Variants in CORO2B observed in about 807,000 individuals in gnomAD.
The protein encoded by CORO2B is coronin-2B.
In CORO2B, 26 loss-of-function variants were observed where a neutral mutation model predicts 58.8. That is an observed-to-expected ratio of 0.44 (90% CI 0.32 to 0.61). CORO2B has a LOEUF of 0.61. Ranked by LOEUF, CORO2B falls within the 20% of genes least tolerant of loss-of-function variation. The pLI, the probability that CORO2B is intolerant of heterozygous loss-of-function variation, is 0.04. For synonymous variants in CORO2B, 242 were observed against 253.8 expected (o/e 0.95, Z 0.44); for missense variants, 460 against 645.1 (o/e 0.71, Z 3.11).
chr15:68,710,950 A>G lies in CORO2B; in HGVS notation c.483+69A>G. ...AGAAAGGGGCCTTTTGGGTACCCGT[A>G]GGAAGCACTGTTGCTTCCTAAGCAA... On this transcript the variant is annotated intron_variant, in intron 4 of 11. Coordinates refer to ENST00000261861, the MANE Select transcript of CORO2B (RefSeq NM_006091.5). The surrounding 1 kb of genome is among the most constrained non-coding windows in gnomAD (Gnocchi z 4.1). 2 of 1,480,588 alleles carry G rather than the reference A, an allele frequency of 1.4e-6. No individual in the cohort carries two copies. The highest frequency in any genetic ancestry group is 1.4e-5 in the African/African-American group (1 of 72,230). 91.7% of individuals were successfully genotyped at this position (1,480,588 alleles called of 1,614,324 possible). A position where few individuals can be genotyped will look rare whatever the true frequency, so the allele number is the denominator to read the frequency against.
At chr15:68,709,877 T>A (rs1892874580) in intron 3 of CORO2B, among the ~76,000 whole-genome samples, 2 of 145,912 alleles carry the variant, frequency 1.4e-5, no homozygotes, top group Admixed American at 1.4e-4. Flanking sequence ...AGGGCAGGGA[T>A]GTTCCCCCCA....
intron 2 of CORO2B, among the ~76,000 whole-genome samples, chr15:68,689,303 A>G (rs1379404845): frequency 6.6e-6 from 1 of 151,958 alleles, no homozygotes; most frequent in African/African-American, 2.4e-5. Flanking sequence ...CTCTAACCAG[A>G]TGGCAGGTTA....
intron 2 of CORO2B, among the ~76,000 whole-genome samples, chr15:68,647,595 A>C (rs911764415): frequency 6.6e-5 from 10 of 151,446 alleles, no homozygotes; most frequent in Admixed American, 6.6e-4. Context: ...AGGCTGAGGC[A>C]GGGGAATCGC....
At chr15:68,572,659 T>C in the CORO2B span, among the ~76,000 whole-genome samples, 1 of 152,086 alleles carries the variant, frequency 6.6e-6, no homozygotes, top group African/African-American at 2.4e-5. Flanking sequence ...AGCCCCATAA[T>C]TTGCATTTCA....
intron 1 of CORO2B, among the ~76,000 whole-genome samples, chr15:68,600,914 G>A (rs1037666701): frequency 3.3e-5 from 5 of 152,164 alleles, no homozygotes; most frequent in Admixed American, 1.3e-4. Flanking sequence ...CCACCTTCCC[G>A]GCTGTCCTGC....
intron 1 of CORO2B, among the ~76,000 whole-genome samples, chr15:68,595,285 C>T (rs1467062981): frequency 6.6e-6 from 1 of 152,224 alleles, no homozygotes; most frequent in Non-Finnish European, 1.5e-5. Flanking sequence ...CCAGCTAAGC[C>T]CTGCTGTCCT....
At chr15:68,641,993 TGCTG>T (rs141017501) in intron 1 of CORO2B, among the ~76,000 whole-genome samples, 255 of 150,604 alleles carry the variant, frequency 1.7e-3, no homozygotes, top group African/African-American at 6.0e-3. Flanking sequence ...CCTCCCGAGG[TGCTG>T]GGATTACAAG....
intron 2 of CORO2B, among the ~76,000 whole-genome samples, chr15:68,674,577 A>C (rs1171497748): frequency 1.3e-5 from 2 of 152,170 alleles, no homozygotes; most frequent in East Asian, 3.9e-4. Context: ...GACCTCAAGC[A>C]AGTGCCCTCC....
chr15:68,612,103 C>A (rs184468800), intron 1 of CORO2B, among the ~76,000 whole-genome samples: 1 of 152,168 alleles, frequency 6.6e-6, no homozygotes, highest in East Asian at 1.9e-4. Flanking sequence ...CATCCCTGAA[C>A]GAGAAATGTG....
intron 11 of CORO2B, among the ~76,000 whole-genome samples, chr15:68,721,113 C>T (rs373180075): frequency 5.9e-5 from 9 of 152,048 alleles, no homozygotes; most frequent in African/African-American, 2.2e-4. Context: ...AACTCCTGAC[C>T]TTAGGTGATC....
intron 2 of CORO2B, among the ~76,000 whole-genome samples, chr15:68,676,000 G>A (rs986625514): frequency 6.6e-6 from 1 of 152,178 alleles, no homozygotes; most frequent in Non-Finnish European, 1.5e-5. Context: ...ATAGAATAAT[G>A]CTAGGAGGAG....
At chr15:68,559,534 C>T in the CORO2B span, 1 of 958,578 alleles carries the variant, frequency 1.0e-6, no homozygotes, top group African/African-American at 1.8e-5. This position sits in a 1 kb window ranked among gnomAD's most constrained non-coding sequence, Gnocchi z 4.3. Flanking sequence ...GCGGGGAGGG[C>T]GAAGTTGACC....
intron 1 of CORO2B, among the ~76,000 whole-genome samples, chr15:68,589,067 A>G (rs555727440): frequency 6.6e-6 from 1 of 152,280 alleles, no homozygotes; most frequent in South Asian, 2.1e-4. Context: ...AAGATCTGGG[A>G]ACAAACTCAA....
rs546042008 is a variant in CORO2B, at chr15:68,634,722, C to T, written c.16-10438C>T. 1.1e-3 allele frequency among the ~76,000 whole-genome samples: 161 copies of T among 152,312 alleles called. 2 individuals carry two copies. The highest frequency in any genetic ancestry group is 4.1e-4 in the Non-Finnish European group (28 of 68,016). ...TCAGCAATCTATGTTTTCACAAGCCCACCGGGTAATTGTGATGCACCTGCA... is the reference window on the plus strand; with the variant it reads ...TCAGCAATCTATGTTTTCACAAGCCTACCGGGTAATTGTGATGCACCTGCA... On this transcript the variant is annotated intron_variant, in intron 1 of 11. Transcript: ENST00000261861.
the CORO2B span, among the ~76,000 whole-genome samples, chr15:68,551,647 G>A: frequency 6.6e-6 from 1 of 152,134 alleles, no homozygotes; most frequent in Admixed American, 6.5e-5. Flanking sequence ...CCCTGTGAGG[G>A]ACCCTGGGCA....
intron 2 of CORO2B, among the ~76,000 whole-genome samples, chr15:68,650,002 G>A (rs1332508763): frequency 1.3e-5 from 2 of 152,144 alleles, no homozygotes; most frequent in Non-Finnish European, 2.9e-5. Flanking sequence ...CATACACTGA[G>A]GACCAGCGAT....
intron 1 of CORO2B, among the ~76,000 whole-genome samples, chr15:68,644,636 C>T (rs1017486527): frequency 7.9e-5 from 12 of 152,134 alleles, no homozygotes; most frequent in African/African-American, 2.9e-4. Context: ...GGATTAGAAA[C>T]ACTAGAGAAT....
rs1233330259 is a variant in CORO2B, at chr15:68,579,364, TG to T, written c.15+91del. 5 of 1,164,004 alleles carry T rather than the reference TG, an allele frequency of 4.3e-6. No homozygotes were observed. The East Asian group carries it at 1.1e-4, about 26-fold the overall frequency. 72.1% of individuals were successfully genotyped at this position (1,164,004 alleles called of 1,614,324 possible). ...TGCGGGGGGCGCGGGGGTGTGGGTG[TG>T]GGGAGGGGGCGCCGGTGCCGGGAAG... On this transcript the variant is annotated intron_variant, in intron 1 of 11. Transcript: ENST00000261861.
At chr15:68,692,779 G>A (rs1397747819) in intron 2 of CORO2B, among the ~76,000 whole-genome samples, 1 of 150,916 alleles carries the variant, frequency 6.6e-6, no homozygotes, top group Non-Finnish European at 1.5e-5. Flanking sequence ...GATTACAGGT[G>A]CCCACCACCA....
Sources: gnomAD v4.1 joint callset for allele counts (sites outside exome capture counted in the v4.1 genomes callset) on GRCh38, gnomAD v4.1.1 for gene constraint, Gnocchi (gnomAD v3.1) non-coding constraint, MANE v1.5 for transcripts, NCBI Gene and HGNC (gene_info 2026-07-23, HGNC 2026-07-21) for gene names.